The following CAST variants were observed in gnomAD, a reference collection of about 807,000 sequenced individuals.
CAST encodes the protein calpastatin, also known as MIR583 host.
In CAST, 76 loss-of-function variants were observed where a neutral mutation model predicts 119.6. The ratio of observed to expected loss-of-function variants is 0.64; its 90% CI spans 0.53 to 0.77. CAST has a LOEUF of 0.77. CAST is among the 30% of genes least tolerant of loss of function. The probability of loss-of-function intolerance (pLI) is 0.00; values close to 1 mark genes in which losing one functional copy is unlikely to be tolerated. For missense variants in CAST, 953 were observed against 946.5 expected, an observed-to-expected ratio of 1.01 and a Z score of -0.09; for synonymous variants, 319 against 331.6, an observed-to-expected ratio of 0.96 and a Z score of 0.41.
chr5:96,768,677 A>C (rs1012637757), intron 29 of CAST, among the ~76,000 whole-genome samples: 2 of 152,212 alleles, frequency 1.3e-5, no homozygotes, highest in Non-Finnish European at 2.9e-5. Flanking sequence ...AAGTGAGAGC[A>C]GGCCCTAACT....
At chr5:96,201,148 A>G in the CAST span, among the ~76,000 whole-genome samples, 2 of 152,152 alleles carry the variant, frequency 1.3e-5, no homozygotes, top group African/African-American at 2.4e-5. Context: ...TTTTCCTACT[A>G]TAATAAAAAA....
intron 2 of CAST, among the ~76,000 whole-genome samples, chr5:96,682,680 A>C (rs746141741): frequency 6.6e-6 from 1 of 152,076 alleles, no homozygotes; most frequent in Non-Finnish European, 1.5e-5. Context: ...TGATGAGCAC[A>C]TTGTCCTTAG....
At chr5:96,367,689 T>A in the CAST span, among the ~76,000 whole-genome samples, 2 of 152,054 alleles carry the variant, frequency 1.3e-5, no homozygotes, top group African/African-American at 4.8e-5. Flanking sequence ...AGTATTAGGG[T>A]GGGAGTGACC....
chr5:96,533,304 G>C (rs1232074575), intron 1 of CAST, among the ~76,000 whole-genome samples: 1 of 152,098 alleles, frequency 6.6e-6, no homozygotes, highest in Non-Finnish European at 1.5e-5. Flanking sequence ...AATCCTGAAA[G>C]CAACAGCTGT....
At chr5:96,256,465 G>T in the CAST span, among the ~76,000 whole-genome samples, 1 of 150,620 alleles carries the variant, frequency 6.6e-6, no homozygotes, top group Non-Finnish European at 1.5e-5. Context: ...TTGTCATTGT[G>T]CTAACATCAT....
chr5:96,616,751 TATACACAC>T (rs748744668), intron 1 of CAST, among the ~76,000 whole-genome samples: 3,059 of 118,438 alleles, frequency 0.026, 42 homozygotes, highest in Non-Finnish European at 0.038. Context: ...TCTCTATATA[TATACACAC>T]ACACACACAC....
chr5:96,069,055 A>T, the CAST span, among the ~76,000 whole-genome samples: 3 of 151,478 alleles, frequency 2.0e-5, no homozygotes, highest in African/African-American at 7.3e-5. Flanking sequence ...GTGTATGTGT[A>T]TATACAGATG....
chr5:96,679,039 A>G (rs534736461), intron 2 of CAST, among the ~76,000 whole-genome samples: 1 of 151,830 alleles, frequency 6.6e-6, no homozygotes, highest in African/African-American at 2.4e-5. Context: ...TTACTCTGTC[A>G]CCCAGGCTGG....
the CAST span, among the ~76,000 whole-genome samples, chr5:96,169,956 A>T: frequency 2.0e-5 from 3 of 152,204 alleles, no homozygotes; most frequent in Admixed American, 1.3e-4. Flanking sequence ...TAAGAGGTTT[A>T]GAAGCCTGGC....
the CAST span, among the ~76,000 whole-genome samples, chr5:96,064,937 C>T: frequency 6.6e-6 from 1 of 152,138 alleles, no homozygotes; most frequent in Non-Finnish European, 1.5e-5. Flanking sequence ...GGCCAGATGT[C>T]CCCTTGCTTA....
chr5:96,318,198 TG>T, the CAST span, among the ~76,000 whole-genome samples: 1 of 152,214 alleles, frequency 6.6e-6, no homozygotes, highest in Admixed American at 6.5e-5. Context: ...CTGGAGCAAT[TG>T]CTCCCCTGGC....
chr5:96,186,489 G>A, the CAST span, among the ~76,000 whole-genome samples: 2 of 152,028 alleles, frequency 1.3e-5, no homozygotes, highest in African/African-American at 2.4e-5. Context: ...TGGGTTTGTC[G>A]TATATGACTC....
At chr5:96,729,971 C>T (rs1367622169) in intron 8 of CAST, among the ~76,000 whole-genome samples, 1 of 152,206 alleles carries the variant, frequency 6.6e-6, no homozygotes, top group Admixed American at 6.5e-5. Context: ...TCTCCTACTG[C>T]CCAGCAATAA....
rs772181166 is a variant in CAST at position 96,762,284 on chromosome 5, ATGCTAAACTTGC to A, written c.1849_1860del (p.Lys617_Ala620del). 35 of 1,604,864 alleles carry A rather than the reference ATGCTAAACTTGC, an allele frequency of 2.2e-5. No individual in the cohort carries two copies. Among genetic ancestry groups the A allele is most frequent in the Non-Finnish European group, 2.9e-5 (34 of 1,177,432 alleles). ...TTTTTTCAATAAAAGAAATTTGAAG[ATGCTAAACTTGC>A]TGCTGCCATCTCTGAAGTGGTTTCC... On this transcript the variant is annotated inframe_deletion, in exon 25 of 32. Transcript: ENST00000675179.
chr5:96,201,223 C>T, the CAST span, among the ~76,000 whole-genome samples: 10 of 151,992 alleles, frequency 6.6e-5, no homozygotes, highest in Non-Finnish European at 1.5e-4. Flanking sequence ...ACAAATATGC[C>T]ATTCACTCAA....
At chr5:96,233,501 A>G in the CAST span, among the ~76,000 whole-genome samples, 1 of 152,152 alleles carries the variant, frequency 6.6e-6, no homozygotes, top group Non-Finnish European at 1.5e-5. Flanking sequence ...TTCACAGAAC[A>G]GAACATTCAA....
At chr5:95,963,544 G>A in the CAST span, among the ~76,000 whole-genome samples, 2 of 152,166 alleles carry the variant, frequency 1.3e-5, no homozygotes, top group African/African-American at 2.4e-5. Flanking sequence ...AATTCATGTA[G>A]TAGAGATATT....
chr5:96,020,780 C>T, the CAST span, among the ~76,000 whole-genome samples: 2 of 151,918 alleles, frequency 1.3e-5, no homozygotes, highest in African/African-American at 4.8e-5. Context: ...AAATTTTGCA[C>T]AATAAATGTA....
chr5:96,069,383 CTATG>C, the CAST span, among the ~76,000 whole-genome samples: 6 of 44,724 alleles, frequency 1.3e-4, no homozygotes, highest in Non-Finnish European at 2.7e-4. Context: ...GTGTGTGTGT[CTATG>C]TGTGTGTGTG....
Sources: allele counts gnomAD v4.1 joint callset (sites outside exome capture counted in the v4.1 genomes callset), GRCh38; gene constraint gnomAD v4.1.1; transcripts MANE v1.5; gene names NCBI Gene and HGNC (gene_info 2026-07-23, HGNC 2026-07-21).